Variants in HELB observed in about 807,000 individuals in gnomAD.
The protein encoded by HELB is DNA helicase B.
Under a neutral mutation model 101.7 loss-of-function variants are expected in HELB, and 96 were observed. The ratio of observed to expected loss-of-function variants is 0.94; its 90% confidence interval spans 0.80 to 1.12. The LOEUF (loss-of-function observed/expected upper bound fraction) is 1.12, where lower values mean the gene tolerates loss of function less well. HELB is among the 50% of genes most tolerant of loss of function. The probability of loss-of-function intolerance (pLI) is 0.00; values close to 1 mark genes in which losing one functional copy is unlikely to be tolerated. For missense variants in HELB, 1,210 were observed against 1,291.9 expected (o/e 0.94, Z 0.97); for synonymous variants, 437 against 459.7 (o/e 0.95, Z 0.63).
chr12:66,304,640 G>A (rs545126576), intron 1 of HELB, 91 bp from the exon 2 acceptor site: 2 of 1,184,530 alleles, frequency 1.7e-6, no homozygotes, highest in East Asian at 4.8e-5. Flanking sequence ...GGAGATTAAA[G>A]ATAGTGGTAA....
chr12:66,327,066 A>AATATATATATATATATATATATATATAT (rs1555167520), intron 11 of HELB, among the ~76,000 whole-genome samples: 8 of 46,808 alleles, frequency 1.7e-4, no homozygotes, highest in African/African-American at 9.2e-4. Flanking sequence ...AAAAAAAAAA[A>AATATATATATATATATATATATATATAT]ATATATATAT....
intron 6 of HELB, among the ~76,000 whole-genome samples, chr12:66,315,695 A>G (rs1388731618): frequency 1.3e-5 from 2 of 152,204 alleles, no homozygotes; most frequent in African/African-American, 4.8e-5. Context: ...AGATTTGGAA[A>G]TAAGTTCATT....
At chr12:66,309,539 A>G (rs938456609) in intron 3 of HELB, among the ~76,000 whole-genome samples, 167 bp from the exon 4 acceptor site, 9 of 152,176 alleles carry the variant, frequency 5.9e-5, no homozygotes, top group African/African-American at 2.2e-4. Context: ...AATTATATAG[A>G]TCTCTAATTA....
rs142976654 is a variant in HELB at position 66,315,309 on chromosome 12, G to A, written c.1926G>A (p.Lys642=). ...TGAAAGATCTTTTTGAGACTCTTAA[G>A]TCAAGAAATTGTGCTATTGAGCTAA... The part of the protein sequence containing the change: ...NLLKDLFETL[K]SRNCAIELKT... The change falls in exon 6 of 13, where the codon AAG becomes AAA. Residue 642 remains lysine, a synonymous_variant. Coordinates refer to ENST00000247815, the MANE Select transcript of HELB (RefSeq NM_001370285.1). 4 of 1,608,830 alleles carry A rather than the reference G, an allele frequency of 2.5e-6. No homozygotes were observed. The African/African-American group carries it at 5.4e-5, about 22-fold the overall frequency.
intron 12 of HELB, among the ~76,000 whole-genome samples, chr12:66,336,320 A>G (rs1168533807): frequency 6.6e-6 from 1 of 152,186 alleles, no homozygotes; most frequent in Non-Finnish European, 1.5e-5. Flanking sequence ...GAGTTTAGGA[A>G]ATAACCCAAA....
intron 6 of HELB, among the ~76,000 whole-genome samples, chr12:66,317,377 G>A (rs909631635): frequency 1.3e-5 from 2 of 152,162 alleles, no homozygotes; most frequent in Non-Finnish European, 2.9e-5. Flanking sequence ...GAGTAGAGGA[G>A]GAATTGACAG....
At chr12:66,318,569 C>T in intron 6 of HELB, 69 bp from the exon 7 acceptor site, 1 of 1,395,514 alleles carries the variant, frequency 7.2e-7, no homozygotes, top group South Asian at 1.4e-5. Context: ...AGGACATTAG[C>T]TCTGATCATA....
Position 66,331,152 on chromosome 12 carries a change from A to T in HELB, c.2671-2A>T. The T allele has an allele frequency of 6.3e-7, 1 of 1,592,686 alleles. No individual in the cohort carries two copies. Among genetic ancestry groups the T allele is most frequent in the Non-Finnish European group, 8.6e-7 (1 of 1,168,490 alleles). ...GTCTTCACACCATATTTTTCCTGCC[A>T]GGGGTCCGAGGAGCAAACAGTTGTC... On this transcript the variant is annotated splice_acceptor_variant, in intron 11 of 12. Transcript: ENST00000247815. LOFTEE classifies it high-confidence loss of function.
chr12:66,320,508 G>A (rs929303037), intron 7 of HELB, among the ~76,000 whole-genome samples: 2 of 152,144 alleles, frequency 1.3e-5, no homozygotes, highest in Non-Finnish European at 2.9e-5. Context: ...ATGAGACTTA[G>A]TTAAATAGAT....
chr12:66,302,990 T>G (rs1172889872), intron 1 of HELB, among the ~76,000 whole-genome samples, 200 bp downstream of exon 1: 2 of 151,982 alleles, frequency 1.3e-5, no homozygotes, highest in African/African-American at 2.4e-5. Context: ...ATGTGGTTTT[T>G]TTTTTTTTTT....
intron 1 of HELB, among the ~76,000 whole-genome samples, chr12:66,303,164 T>C (rs1312708222): frequency 6.6e-6 from 1 of 150,558 alleles, no homozygotes; most frequent in Non-Finnish European, 1.5e-5. Flanking sequence ...TAATGTAAGG[T>C]AGTTTTACGC....
chr12:66,333,816 T>A (rs988829264), intron 12 of HELB, among the ~76,000 whole-genome samples: 1 of 151,966 alleles, frequency 6.6e-6, no homozygotes, highest in Non-Finnish European at 1.5e-5. Context: ...CTGCTTGCAG[T>A]GGGAATTCAT....
chr12:66,318,892 G>C (rs1039465646), intron 7 of HELB, 100 bp downstream of exon 7: 5 of 850,350 alleles, frequency 5.9e-6, no homozygotes, highest in East Asian at 2.8e-5. Context: ...TAATGGTAAA[G>C]AGAAATATTG....
At chr12:66,305,790 G>A (rs538885711) in intron 2 of HELB, among the ~76,000 whole-genome samples, 1 of 152,000 alleles carries the variant, frequency 6.6e-6, no homozygotes, top group South Asian at 2.1e-4. Context: ...GTTTAAAGAG[G>A]TAGAGAAGAA....
chr12:66,330,362 G>A (rs1274139953), intron 11 of HELB, among the ~76,000 whole-genome samples: 1 of 151,368 alleles, frequency 6.6e-6, no homozygotes, highest in East Asian at 1.9e-4. Flanking sequence ...AGACAAGTAG[G>A]AGAAAAAAAA....
rs2053534022 is a variant in HELB at position 66,310,675 on chromosome 12, T to C, written c.1680+67T>C. ...GGCCGGGCACAGTGGCTCACGCCTG[T>C]AATCCCAGAACTTTTGGGAGACTGA... On this transcript the variant is annotated intron_variant, in intron 4 of 12. Transcript: ENST00000247815. 19 of 1,441,850 alleles carry C rather than the reference T, an allele frequency of 1.3e-5. No individual in the cohort carries two copies. The East Asian group carries it at 4.1e-4, about 31-fold the overall frequency. 89.3% of individuals were successfully genotyped at this position (1,441,850 alleles called of 1,614,324 possible).
At chr12:66,338,720 T>C (rs2053893860), downstream of HELB, 1 of 152,118 alleles carries the variant, frequency 6.6e-6, no homozygotes, top group South Asian at 2.1e-4. Flanking sequence ...TTTAGGATAA[T>C]GCCTCGTAAC....
chr12:66,329,748 G>A (rs1410622285), intron 11 of HELB, among the ~76,000 whole-genome samples: 1 of 152,012 alleles, frequency 6.6e-6, no homozygotes, highest in East Asian at 1.9e-4. Context: ...ATTAATAATA[G>A]TATATCTACT....
chr12:66,331,669 C>T, intron 12 of HELB, 24 bp downstream of exon 12: 2 of 1,568,256 alleles, frequency 1.3e-6, no homozygotes, highest in African/African-American at 1.4e-5. Context: ...TTCCATGTTC[C>T]CAAGTTTTAT....
Sources: gnomAD v4.1 joint callset for allele counts (sites outside exome capture counted in the v4.1 genomes callset) on GRCh38, gnomAD v4.1.1 for gene constraint, MANE v1.5 for transcripts, NCBI Gene and HGNC (gene_info 2026-07-23, HGNC 2026-07-21) for gene names.